Variants in DGKH observed in about 807,000 individuals in gnomAD.
DGKH encodes the protein diacylglycerol kinase eta.
A neutral mutation model predicts 159.3 loss-of-function variants in DGKH; 90 were observed. The observed-to-expected ratio is 0.57, with a 90% CI of 0.48 to 0.67. The LOEUF is 0.67. Among genes scored for constraint, DGKH ranks in the 30% least tolerant of loss-of-function variants. DGKH has a pLI of 0.00. For missense variants in DGKH, 1,181 were observed against 1,506.1 expected, an observed-to-expected ratio of 0.78 and a Z score of 3.57; for synonymous variants, 536 against 553.8, an observed-to-expected ratio of 0.97 and a Z score of 0.45.
At chr13:42,181,417 T>G (rs1956760118) in intron 13 of DGKH, 1 of 154,946 alleles carries the variant, frequency 6.5e-6, no homozygotes, top group Non-Finnish European at 1.5e-5. Flanking sequence ...TATGCTAAAT[T>G]TACTTGGTCA....
chr13:42,214,884 A>T (rs1196753814), intron 25 of DGKH, among the ~76,000 whole-genome samples: 2 of 151,730 alleles, frequency 1.3e-5, no homozygotes, highest in Non-Finnish European at 2.9e-5. Flanking sequence ...TTGAACTTTA[A>T]TCGTCCTTTC....
chr13:42,105,232 C>G (rs1954725565), intron 1 of DGKH, among the ~76,000 whole-genome samples: 1 of 151,938 alleles, frequency 6.6e-6, no homozygotes, highest in African/African-American at 2.4e-5. Flanking sequence ...TGGCTGAAGG[C>G]AGAAGGGCAA....
At position 42,198,555 on chromosome 13, in the gene DGKH, T is replaced by C; in HGVS notation, c.2245T>C (p.Phe749Leu). The change falls in exon 18 of 30, where the codon TTT becomes CTT. Residue 749 changes from phenylalanine to leucine, a missense_variant. Transcript: ENST00000337343. ...NKMLLANIDPFGATPFIDPDL... is the reference protein window; with the variant it reads ...NKMLLANIDPLGATPFIDPDL... Reference sequence around the variant, plus strand: ...AATGTTACTGGCAAACATTGATCCTTTTGGTGCCACGCCGTTTATTGACCC... The same window carrying C: ...AATGTTACTGGCAAACATTGATCCTCTTGGTGCCACGCCGTTTATTGACCC... 1.2e-6 allele frequency: 2 copies of C among 1,613,836 alleles called. No homozygotes were observed. Among genetic ancestry groups the C allele is most frequent in the Non-Finnish European group, 1.7e-6 (2 of 1,179,830 alleles).
rs1555256128 is a variant in DGKH, at chr13:42,061,988, G to GTGTGTGT, written c.192+13023_192+13024insTGTGTGT. On this transcript the variant is annotated intron_variant, in intron 1 of 29. Coordinates refer to ENST00000337343, the MANE Select transcript of DGKH (RefSeq NM_178009.5). ...GAGAAAGATGGAGAGTGTGTGTGTGGGTGTGTGTGTGTGTGTGTGTGTAAA... is the reference window on the plus strand; with the variant it reads ...GAGAAAGATGGAGAGTGTGTGTGTGGTGTGTGTGTGTGTGTGTGTGTGTGTGTGTAAA... Among the ~76,000 whole-genome samples, 522 of 149,778 alleles carry GTGTGTGT rather than the reference G, an allele frequency of 3.5e-3. 4 individuals are homozygous for GTGTGTGT. The highest frequency in any genetic ancestry group is 0.021 in the East Asian group (107 of 5,054).
At chr13:42,046,161 G>A (rs1383964347), upstream of DGKH, among the ~76,000 whole-genome samples, 1 of 152,166 alleles carries the variant, frequency 6.6e-6, no homozygotes, top group Non-Finnish European at 1.5e-5. Context: ...ATGCATCTAA[G>A]CAATTACTGA....
Position 42,198,615 on chromosome 13 carries a change from A to C in DGKH, c.2285+20A>C. 6.3e-7 allele frequency: 1 copy of C among 1,585,742 alleles called. No homozygotes were observed. The highest frequency in any genetic ancestry group is 2.2e-5 in the East Asian group (1 of 44,650). ...TTCCGTGTAAGAAAATGCTTTTGCA[A>C]ATATTTTGTTTGGGTTTTTCTTGTT... On this transcript the variant is annotated intron_variant, in intron 18 of 29. Transcript: ENST00000337343.
chr13:42,047,618 G>C (rs1316076568), upstream of DGKH, among the ~76,000 whole-genome samples: 1 of 152,166 alleles, frequency 6.6e-6, no homozygotes, highest in Non-Finnish European at 1.5e-5. Flanking sequence ...GACGTTGAGC[G>C]TGCACAACCC....
chr13:42,227,794 C>G (rs1336562278), intron 29 of DGKH, among the ~76,000 whole-genome samples: 2 of 152,130 alleles, frequency 1.3e-5, no homozygotes, highest in Non-Finnish European at 1.5e-5. Context: ...ACTCCAAGAG[C>G]TCTTAAAGGG....
chr13:42,223,086 T>A (rs2138257802), intron 29 of DGKH, among the ~76,000 whole-genome samples: 1 of 152,350 alleles, frequency 6.6e-6, no homozygotes, highest in East Asian at 1.9e-4. Flanking sequence ...TTTTAAAAAT[T>A]GTATTAGGTC....
At position 42,152,980 on chromosome 13, in the gene DGKH, C is replaced by T. The variant is rs143509330; in HGVS notation, c.385-2311C>T. Among the ~76,000 whole-genome samples, 448 of 152,174 alleles carry T rather than the reference C, an allele frequency of 2.9e-3. 2 individuals carry two copies. Among genetic ancestry groups the T allele is most frequent in the African/African-American group, 9.8e-3 (405 of 41,494 alleles). On this transcript the variant is annotated intron_variant, in intron 3 of 29. Coordinates refer to ENST00000337343, the MANE Select transcript of DGKH (RefSeq NM_178009.5). The stretch of plus-strand genomic sequence containing the variant: ...TAATGCTCTTTTAGCAGTTGCTGTC[C>T]GTGGACAAATCTAATCAGTAGATTT...
chr13:42,040,845 C>T (rs1475538175), intron 1 of DGKH, among the ~76,000 whole-genome samples: 1 of 146,792 alleles, frequency 6.8e-6, no homozygotes, highest in African/African-American at 2.4e-5. Flanking sequence ...GGACCCGGGT[C>T]TGCGCGCCCG....
intron 24 of DGKH, among the ~76,000 whole-genome samples, chr13:42,212,677 C>T (rs1957685136): frequency 6.6e-6 from 1 of 152,160 alleles, no homozygotes; most frequent in African/African-American, 2.4e-5. Context: ...AGAATTTATT[C>T]ATTGACTATG....
chr13:42,096,362 T>A (rs894145639), intron 1 of DGKH, among the ~76,000 whole-genome samples: 9 of 152,180 alleles, frequency 5.9e-5, no homozygotes, highest in African/African-American at 2.2e-4. Context: ...GTTCCTGCGT[T>A]AATTTGCTTA....
intron 25 of DGKH, 115 bp downstream of exon 25, chr13:42,214,727 G>T: frequency 1.2e-6 from 1 of 867,894 alleles, no homozygotes; most frequent in Middle Eastern, 2.4e-4. Context: ...GTCTATATGA[G>T]TCTCTACAAA....
chr13:42,229,265 G>T lies in DGKH; in HGVS notation c.*77G>T. On this transcript the variant is annotated 3_prime_UTR_variant, in exon 30 of 30. Coordinates refer to ENST00000337343, the MANE Select transcript of DGKH (RefSeq NM_178009.5). ...TCCTTGGAAGCAAGTGGCTGTTCTT[G>T]TAGTTTTCTGCATAGATAAGTAAGC... 7.7e-7 allele frequency: 1 copy of T among 1,306,008 alleles called. No homozygotes were observed. The allele number at this position is 1,306,008 out of a possible 1,614,324, so 80.9% of individuals were successfully genotyped here.
chr13:42,208,562 T>A (rs1957562002), intron 21 of DGKH, among the ~76,000 whole-genome samples: 1 of 152,038 alleles, frequency 6.6e-6, no homozygotes, highest in Admixed American at 6.6e-5. Flanking sequence ...CTATATCACC[T>A]TTCTATGACA....
intron 29 of DGKH, among the ~76,000 whole-genome samples, chr13:42,223,822 G>A (rs1257592616): frequency 6.6e-6 from 1 of 152,066 alleles, no homozygotes; most frequent in Non-Finnish European, 1.5e-5. Context: ...TAGTGGTTAA[G>A]TCAGGGCTTT....
chr13:42,121,796 C>T (rs1955077868), intron 1 of DGKH, among the ~76,000 whole-genome samples: 1 of 152,170 alleles, frequency 6.6e-6, no homozygotes, highest in Non-Finnish European at 1.5e-5. Flanking sequence ...AGATGTACTC[C>T]TAGTTCTAAC....
chr13:42,148,107 C>T (rs192143318), intron 3 of DGKH, among the ~76,000 whole-genome samples: 69 of 152,254 alleles, frequency 4.5e-4, no homozygotes, highest in African/African-American at 1.5e-3. Context: ...TTCATTCTCT[C>T]GTAGATGGCT....
Sources: gnomAD v4.1 joint callset for allele counts (sites outside exome capture counted in the v4.1 genomes callset) on GRCh38, gnomAD v4.1.1 for gene constraint, MANE v1.5 for transcripts, NCBI Gene and HGNC (gene_info 2026-07-23, HGNC 2026-07-21) for gene names.